LRFN2: variants seen among roughly 807,000 people sequenced by gnomAD.
LRFN2 encodes the protein leucine rich repeat and fibronectin type III domain containing 2.
In LRFN2, 18 loss-of-function variants were observed where a neutral mutation model predicts 37.3. The observed-to-expected ratio is 0.48, with a 90% CI of 0.33 to 0.72. LRFN2 has a LOEUF of 0.72. LRFN2 is among the 30% of genes least tolerant of loss of function. LRFN2 has a pLI of 0.02. For synonymous variants in LRFN2, 556 were observed against 466.6 expected (o/e 1.19, Z -2.47); for missense variants, 1,006 against 1,060.7 (o/e 0.95, Z 0.72).
At chr6:40,463,518 A>G (rs1383778492) in intron 1 of LRFN2, among the ~76,000 whole-genome samples, 1 of 152,028 alleles carries the variant, frequency 6.6e-6, no homozygotes, top group African/African-American at 2.4e-5. Context: ...ACATCTTCCA[A>G]TGGGTGCTAG....
chr6:40,483,602 T>C (rs1306214640), intron 1 of LRFN2, among the ~76,000 whole-genome samples: 1 of 152,240 alleles, frequency 6.6e-6, no homozygotes, highest in Non-Finnish European at 1.5e-5. Context: ...CATCTAATTT[T>C]AACTTCACAC....
chr6:40,447,766 A>G (rs1054185165), intron 1 of LRFN2, among the ~76,000 whole-genome samples: 1 of 152,092 alleles, frequency 6.6e-6, no homozygotes, highest in Non-Finnish European at 1.5e-5. Flanking sequence ...AGGTGTTTAG[A>G]TGATGTACTC....
chr6:40,448,314 G>A (rs574078691), intron 1 of LRFN2, among the ~76,000 whole-genome samples: 49 of 152,188 alleles, frequency 3.2e-4, no homozygotes, highest in African/African-American at 4.1e-4. Flanking sequence ...CATCAAGCAC[G>A]TGCTCCCCTC....
chr6:40,476,636 C>T (rs1051416816), intron 1 of LRFN2, among the ~76,000 whole-genome samples: 4 of 152,260 alleles, frequency 2.6e-5, no homozygotes, highest in African/African-American at 9.6e-5. Flanking sequence ...TAGAAGCCCT[C>T]CTTTATAACT....
intron 1 of LRFN2, among the ~76,000 whole-genome samples, chr6:40,492,362 C>A (rs1765113793): frequency 6.6e-6 from 1 of 152,168 alleles, no homozygotes; most frequent in Admixed American, 6.5e-5. Context: ...GCTCCCCCTG[C>A]TCCCCTGTCC....
chr6:40,550,835 C>A (rs1382214491), intron 1 of LRFN2, among the ~76,000 whole-genome samples: 1 of 152,142 alleles, frequency 6.6e-6, no homozygotes, highest in African/African-American at 2.4e-5. Flanking sequence ...AGATGCTGGA[C>A]AGGGAGTTGT....
chr6:40,510,538 A>T (rs190101634), intron 1 of LRFN2, among the ~76,000 whole-genome samples: 252 of 152,298 alleles, frequency 1.7e-3, no homozygotes, highest in African/African-American at 5.8e-3. Context: ...TCTCACAAAC[A>T]TTTGTTGAGC....
At chr6:40,464,028 T>A (rs2113851936) in intron 1 of LRFN2, among the ~76,000 whole-genome samples, 1 of 152,314 alleles carries the variant, frequency 6.6e-6, no homozygotes, top group Middle Eastern at 3.4e-3. Flanking sequence ...ACTCGGACTT[T>A]ACTCTGCAGG....
intron 2 of LRFN2, among the ~76,000 whole-genome samples, chr6:40,426,337 G>T (rs1763352129): frequency 6.6e-6 from 1 of 152,192 alleles, no homozygotes; most frequent in South Asian, 2.1e-4. Flanking sequence ...AACCCTTTTG[G>T]TATGGGCAGC....
At chr6:40,524,580 G>A (rs1294094921) in intron 1 of LRFN2, among the ~76,000 whole-genome samples, 3 of 152,140 alleles carry the variant, frequency 2.0e-5, no homozygotes, top group South Asian at 2.1e-4. Context: ...CAGGCAGGGG[G>A]CCGAGGCGCT....
At chr6:40,541,835 C>G (rs970033671) in intron 1 of LRFN2, among the ~76,000 whole-genome samples, 1 of 152,350 alleles carries the variant, frequency 6.6e-6, no homozygotes, top group African/African-American at 2.4e-5. Flanking sequence ...GCACCCCCTC[C>G]CCATAGACAC....
intron 1 of LRFN2, among the ~76,000 whole-genome samples, chr6:40,510,287 T>C (rs1399256105): frequency 6.6e-6 from 1 of 152,208 alleles, no homozygotes; most frequent in East Asian, 1.9e-4. Context: ...CTGTAGGATA[T>C]GGCCAAAAAA....
intron 1 of LRFN2, among the ~76,000 whole-genome samples, chr6:40,548,440 C>CAAAAAAAAAAAATAAAAAAAAAA (rs67639435): frequency 7.0e-6 from 1 of 142,650 alleles, no homozygotes. Context: ...GACTCCATCT[C>CAAAAAAAAAAAATAAAAAAAAAA]AAAAAAAAAA....
intron 2 of LRFN2, among the ~76,000 whole-genome samples, chr6:40,425,415 G>A (rs988132411): frequency 2.0e-5 from 3 of 152,232 alleles, no homozygotes; most frequent in East Asian, 1.9e-4. Context: ...TTAGAGACAA[G>A]TGTTTGTGAA....
Sources: allele counts gnomAD v4.1 joint callset (sites outside exome capture counted in the v4.1 genomes callset), GRCh38; gene constraint gnomAD v4.1.1; transcripts MANE v1.5; gene names NCBI Gene and HGNC (gene_info 2026-07-23, HGNC 2026-07-21).